Variants in DECR1 observed in about 807,000 individuals in gnomAD.
The protein encoded by DECR1 is 2,4-dienoyl-CoA reductase 1, also known as 2,4-dienoyl-CoA reductase [(3E)-enoyl-CoA-producing], mitochondrial.
In DECR1, 44 loss-of-function variants were observed where a neutral mutation model predicts 38.8. That is an observed-to-expected ratio of 1.13 (90% CI 0.89 to 1.46). The LOEUF (loss-of-function observed/expected upper bound fraction) is 1.46, where lower values mean the gene tolerates loss of function less well. DECR1 is among the 40% of genes most tolerant of loss of function. The pLI is 0.00. For synonymous variants in DECR1, 148 were observed against 135.2 expected (o/e 1.09, Z -0.66); for missense variants, 428 against 405.5 (o/e 1.06, Z -0.48).
chr8:90,028,385 A>AT (rs974594726), intron 5 of DECR1, among the ~76,000 whole-genome samples: 8 of 152,008 alleles, frequency 5.3e-5, no homozygotes, highest in Non-Finnish European at 1.0e-4. Flanking sequence ...TTCTTAAAAA[A>AT]TTTTTTTTGC....
chr8:90,021,007 A>G lies in DECR1; in HGVS notation c.516A>G (p.Thr172=), dbSNP rs1813144505. The G allele has an allele frequency of 6.3e-7, 1 of 1,597,228 alleles. No individual in the cohort carries two copies. Among genetic ancestry groups the G allele is most frequent in the African/African-American group, 1.4e-5 (1 of 73,898 alleles). The change falls in exon 5 of 10, where the codon ACA becomes ACG. Residue 172 remains threonine, a synonymous_variant. Transcript: ENST00000220764. The stretch of plus-strand genomic sequence containing the variant: ...TAACTGACATAGTTCTAAATGGCAC[A>G]GCCTTCGTGACACTAGAAATTGGAA... ...KTITDIVLNG[T]AFVTLEIGKQ... is the part of the protein sequence containing the mutation.
At chr8:90,018,473 T>G (rs1813064222) in intron 2 of DECR1, 1 of 152,964 alleles carries the variant, frequency 6.5e-6, no homozygotes, top group South Asian at 2.0e-4. Context: ...GTTTTTACAT[T>G]GTAATGTTTT....
chr8:90,027,456 G>T (rs892329307), intron 5 of DECR1, among the ~76,000 whole-genome samples: 2 of 152,138 alleles, frequency 1.3e-5, no homozygotes, highest in African/African-American at 4.8e-5. Context: ...CTGTTGAATT[G>T]ATCCCTTTAT....
At position 90,042,766 on chromosome 8, in the gene DECR1, T is replaced by C. The variant is rs1314386070; in HGVS notation, c.704T>C (p.Phe235Ser). ...GAATGGGGTAAATATGGAATGCGAT[T>C]CAATGTGATTCAACCAGGGCCTATA... ...AAEWGKYGMRFNVIQPGPIKT... is the reference protein window; with the variant it reads ...AAEWGKYGMRSNVIQPGPIKT... Residue 235 changes from phenylalanine to serine, a missense_variant, in exon 7 of 10, where the codon TTC (phenylalanine) becomes TCC (serine). Coordinates refer to ENST00000220764, the MANE Select transcript of DECR1 (RefSeq NM_001359.2). 27 of 1,613,522 alleles carry C rather than the reference T, an allele frequency of 1.7e-5. No homozygotes were observed. Among genetic ancestry groups the C allele is most frequent in the Non-Finnish European group, 2.3e-5 (27 of 1,179,662 alleles).
chr8:90,042,683 A>G (rs973941147), intron 6 of DECR1, 45 bp from the exon 7 acceptor site: 3 of 1,510,424 alleles, frequency 2.0e-6, no homozygotes, highest in East Asian at 2.3e-5. Context: ...TCTTTAACAT[A>G]TGGTATAATA....
At chr8:90,019,320 C>T (rs1813091274) in intron 4 of DECR1, 148 bp downstream of exon 4, 1 of 631,748 alleles carries the variant, frequency 1.6e-6, no homozygotes, top group Non-Finnish European at 2.7e-6. Context: ...CTTGGCTTCA[C>T]CCAGGAAAGA....
intron 1 of DECR1, among the ~76,000 whole-genome samples, chr8:90,014,954 A>C (rs1812970671): frequency 6.6e-6 from 1 of 152,188 alleles, no homozygotes. Context: ...CTTTGGCAAA[A>C]GGATATGAAA....
At chr8:90,049,370 T>C (rs766035846) in intron 8 of DECR1, among the ~76,000 whole-genome samples, 2 of 151,890 alleles carry the variant, frequency 1.3e-5, no homozygotes, top group Non-Finnish European at 2.9e-5. Context: ...CACAAGCATT[T>C]TTTACACCAA....
rs1231248895 is a variant in DECR1 at position 90,051,775 on chromosome 8, C to G, written c.948+36C>G. On this transcript the variant is annotated intron_variant, in intron 9 of 9. Transcript: ENST00000220764. ...TGTGTGTATAATGTAATATCAGCAGCTAGGATACTAAGCTTTAAAAACATG... is the reference window on the plus strand; with the variant it reads ...TGTGTGTATAATGTAATATCAGCAGGTAGGATACTAAGCTTTAAAAACATG... 9 of 1,612,126 alleles carry G rather than the reference C, an allele frequency of 5.6e-6. No homozygotes were observed. The South Asian group carries it at 8.8e-5, about 16-fold the overall frequency.
chr8:90,015,672 T>G (rs1812989650), intron 1 of DECR1: 1 of 456,224 alleles, frequency 2.2e-6, no homozygotes, highest in Non-Finnish European at 4.4e-6. Context: ...AAATGGTAGC[T>G]TCTGGAGTTT....
chr8:90,025,213 T>G (rs1813298981), intron 5 of DECR1, among the ~76,000 whole-genome samples: 1 of 152,222 alleles, frequency 6.6e-6, no homozygotes. Flanking sequence ...GGGCTCTTTT[T>G]TGGTTCCATA....
rs754852073 is a variant in DECR1 at position 90,017,273 on chromosome 8, A to G, written c.219A>G (p.Lys73=). ...CTGGGGGAGGTACTGGCCTTGGTAA[A>G]GGAATGACAACTCTTCTGTCCAGCC... ...FITGGGTGLG[K]GMTTLLSSLG... The change falls in exon 2 of 10, where the codon AAA becomes AAG. Residue 73 remains lysine (K), a synonymous_variant. Transcript: ENST00000220764. 9.9e-6 allele frequency: 16 copies of G among 1,614,060 alleles called. No homozygotes were observed.
chr8:90,051,782 A>G (rs754301897), intron 9 of DECR1, 43 bp downstream of exon 9: 1 of 1,612,066 alleles, frequency 6.2e-7, no homozygotes, highest in South Asian at 1.1e-5. Context: ...CAGCTAGGAT[A>G]CTAAGCTTTA....
chr8:90,012,884 T>G (rs573998458), intron 1 of DECR1, among the ~76,000 whole-genome samples: 6 of 152,306 alleles, frequency 3.9e-5, no homozygotes, highest in Admixed American at 3.9e-4. Context: ...TCTGCTGGGT[T>G]GAGAAAGACA....
At chr8:90,032,641 CA>C (rs1813524774) in intron 5 of DECR1, among the ~76,000 whole-genome samples, 1 of 152,096 alleles carries the variant, frequency 6.6e-6, no homozygotes. Context: ...ACCCTCAGAA[CA>C]ACAAGAATAT....
At chr8:90,038,157 T>A (rs1487797349) in intron 6 of DECR1, among the ~76,000 whole-genome samples, 1 of 152,210 alleles carries the variant, frequency 6.6e-6, no homozygotes, top group African/African-American at 2.4e-5. Flanking sequence ...GAGCTTAAAT[T>A]TTTTTACTAT....
Position 90,010,548 on chromosome 8 carries a change from G to A in DECR1, c.70-6576G>A, listed in dbSNP as rs114664394. Among the ~76,000 whole-genome samples the A allele has an allele frequency of 6.0e-3, 914 of 152,278 alleles. 12 individuals are homozygous for A. Among genetic ancestry groups the A allele is most frequent in the African/African-American group, 0.02 (844 of 41,540 alleles). On this transcript the variant is annotated intron_variant, in intron 1 of 9. Coordinates refer to ENST00000220764, the MANE Select transcript of DECR1 (RefSeq NM_001359.2). Reference sequence around the variant, plus strand: ...ATTCAGGGAGTACATAAGGTGTTTTGGGAATGCAAAGATGTACACTTTTGA... The same window carrying A: ...ATTCAGGGAGTACATAAGGTGTTTTAGGAATGCAAAGATGTACACTTTTGA...
At chr8:90,006,832 C>T (rs1805808) in intron 1 of DECR1, among the ~76,000 whole-genome samples, 62,147 of 151,774 alleles carry the variant, frequency 0.41, 13,453 homozygotes, top group African/African-American at 0.57. Context: ...GGGACTAAAA[C>T]GAACTGGGCT....
chr8:90,042,126 C>T (rs1813778065), intron 6 of DECR1, among the ~76,000 whole-genome samples: 1 of 152,094 alleles, frequency 6.6e-6, no homozygotes, highest in Admixed American at 6.6e-5. Flanking sequence ...ATTCCTATTT[C>T]CTTTCAAGTT....
Sources: allele counts gnomAD v4.1 joint callset (sites outside exome capture counted in the v4.1 genomes callset), GRCh38; gene constraint gnomAD v4.1.1; transcripts MANE v1.5; gene names NCBI Gene and HGNC (gene_info 2026-07-23, HGNC 2026-07-21).